PPP2R2C: variants seen among roughly 807,000 people sequenced by gnomAD.
PPP2R2C encodes the protein protein phosphatase 2, regulatory subunit B, gamma.
A neutral mutation model predicts 45.3 loss-of-function variants in PPP2R2C; 10 were observed. That is an observed-to-expected ratio of 0.22 (90% CI 0.14 to 0.37). PPP2R2C has a LOEUF of 0.37. PPP2R2C is among the 10% of genes least tolerant of loss of function. The pLI is 1.00. For missense variants in PPP2R2C, 308 were observed against 619.7 expected, an observed-to-expected ratio of 0.50 and a Z score of 5.34; for synonymous variants, 257 against 245.4, an observed-to-expected ratio of 1.05 and a Z score of -0.44.
intron 2 of PPP2R2C, among the ~76,000 whole-genome samples, chr4:6,477,730 C>CAAAAAAAAA (rs5855918): frequency 1.3e-5 from 1 of 77,086 alleles, no homozygotes; most frequent in African/African-American, 6.0e-5. Context: ...GACTCCGTCT[C>CAAAAAAAAA]AAAAAAAAAA....
intron 5 of PPP2R2C, among the ~76,000 whole-genome samples, chr4:6,366,495 T>A (rs1234393626): frequency 1.3e-5 from 2 of 152,212 alleles, no homozygotes; most frequent in African/African-American, 4.8e-5. Context: ...GGCCTCACCC[T>A]GGGTTCCTAA....
chr4:6,343,567 A>C (rs1236064119), intron 6 of PPP2R2C, among the ~76,000 whole-genome samples: 2 of 152,132 alleles, frequency 1.3e-5, no homozygotes, highest in Non-Finnish European at 2.9e-5. Flanking sequence ...AAATACAAAA[A>C]AAATTAGCCA....
intron 1 of PPP2R2C, among the ~76,000 whole-genome samples, chr4:6,405,773 A>G (rs1232345401): frequency 6.6e-6 from 1 of 152,176 alleles, no homozygotes; most frequent in Non-Finnish European, 1.5e-5. Flanking sequence ...CTTGATGATC[A>G]TATAAAAGAA....
chr4:6,435,070 AT>A lies in PPP2R2C; in HGVS notation c.70+37089del, dbSNP rs371093242. ...AATCTTATTTTTAGAAAGTTCTGGAATTGTGCCTTAAATTTTTTTTATTTAA... is the reference window on the plus strand; with the variant it reads ...AATCTTATTTTTAGAAAGTTCTGGAATGTGCCTTAAATTTTTTTTATTTAA... On this transcript the variant is annotated intron_variant, in intron 1 of 8. Transcript: ENST00000382599. 2.0e-4 allele frequency among the ~76,000 whole-genome samples: 30 copies of A among 152,286 alleles called. No homozygotes were observed. The East Asian group carries it at 5.8e-3, about 29-fold the overall frequency.
At chr4:6,540,983 C>G (rs1435109235) in intron 1 of PPP2R2C, among the ~76,000 whole-genome samples, 1 of 152,226 alleles carries the variant, frequency 6.6e-6, no homozygotes, top group Admixed American at 6.5e-5. Context: ...CTTCTCCATC[C>G]ATAGCATATG....
chr4:6,491,170 G>A (rs1006353582), intron 2 of PPP2R2C, among the ~76,000 whole-genome samples: 4 of 152,348 alleles, frequency 2.6e-5, no homozygotes, highest in Admixed American at 6.5e-5. Context: ...GTGTACCCTA[G>A]TGCCTGGTGT....
intron 1 of PPP2R2C, among the ~76,000 whole-genome samples, chr4:6,444,620 C>T (rs1308293668): frequency 1.3e-5 from 2 of 152,224 alleles, no homozygotes; most frequent in Non-Finnish European, 2.9e-5. Flanking sequence ...AGTAACTCTG[C>T]ACTTCAGCAG....
Position 6,472,393 on chromosome 4 carries a change from G to C in PPP2R2C, c.-164C>G. On this transcript the variant is annotated 5_prime_UTR_variant, in exon 1 of 9. Transcript: ENST00000382599. ...CGCGGCAGGGGGACGGGCGGGGGCG[G>C]CCGGGGGCGGGCGCCGCGGTCAAGC... is the stretch of plus-strand genomic sequence containing the variant. 3.4e-6 allele frequency: 3 copies of C among 887,414 alleles called. No individual in the cohort carries two copies. The highest frequency in any genetic ancestry group is 2.7e-6 in the Non-Finnish European group (2 of 739,858). The allele number at this position is 887,414 out of a possible 1,614,324, so 55.0% of individuals were successfully genotyped here.
intron 1 of PPP2R2C, among the ~76,000 whole-genome samples, chr4:6,538,416 C>T (rs532805290): frequency 6.6e-6 from 1 of 152,176 alleles, no homozygotes; most frequent in Admixed American, 6.5e-5. Flanking sequence ...TCGTCCCCAG[C>T]GACGCAAGCG....
chr4:6,443,631 G>T (rs1259270839), intron 1 of PPP2R2C, among the ~76,000 whole-genome samples: 3 of 152,206 alleles, frequency 2.0e-5, no homozygotes, highest in Non-Finnish European at 2.9e-5. Context: ...CTTCCTGGCT[G>T]GGTGACTGTC....
intron 1 of PPP2R2C, chr4:6,414,122 G>A (rs1002098907): frequency 2.9e-6 from 3 of 1,048,654 alleles, no homozygotes; most frequent in South Asian, 2.4e-5. Context: ...GTGTGTGTGT[G>A]TACAGGTAAA....
At chr4:6,383,200 C>T in intron 1 of PPP2R2C, 1 of 1,190,038 alleles carries the variant, frequency 8.4e-7, no homozygotes, top group Non-Finnish European at 1.1e-6. Context: ...GCCCACTGGC[C>T]CCTGAGGGGG....
chr4:6,541,073 G>C (rs530615742), intron 1 of PPP2R2C, among the ~76,000 whole-genome samples: 59 of 152,282 alleles, frequency 3.9e-4, no homozygotes, highest in African/African-American at 1.3e-3. Context: ...GAAAACAAGG[G>C]AAAGGGCAGG....
chr4:6,460,640 A>G (rs961798254), intron 1 of PPP2R2C, among the ~76,000 whole-genome samples: 5 of 152,122 alleles, frequency 3.3e-5, no homozygotes, highest in African/African-American at 1.2e-4. Flanking sequence ...AAATGTAGGA[A>G]TATATATATA....
intron 6 of PPP2R2C, among the ~76,000 whole-genome samples, chr4:6,339,032 A>C (rs1343250568): frequency 6.6e-6 from 1 of 151,760 alleles, no homozygotes; most frequent in Non-Finnish European, 1.5e-5. Context: ...TTTTCACATC[A>C]TTTTCTCTCC....
At chr4:6,352,642 G>C (rs1216539847) in intron 5 of PPP2R2C, among the ~76,000 whole-genome samples, 29 of 152,212 alleles carry the variant, frequency 1.9e-4, no homozygotes, top group Admixed American at 1.9e-3. Context: ...ATTCCAGAGA[G>C]AGGAGCAAGT....
chr4:6,349,212 A>G, intron 5 of PPP2R2C: 1 of 985,356 alleles, frequency 1.0e-6, no homozygotes, highest in Non-Finnish European at 1.2e-6. Context: ...CCGGCCCTGC[A>G]TGGGGCTTTG....
intron 1 of PPP2R2C, among the ~76,000 whole-genome samples, chr4:6,440,448 T>C (rs114401889): frequency 6.6e-6 from 1 of 152,046 alleles, no homozygotes; most frequent in Non-Finnish European, 1.5e-5. Flanking sequence ...AGGGCAGGTG[T>C]TGGGGGCTCT....
chr4:6,381,242 G>A (rs1560499889), intron 1 of PPP2R2C, 148 bp from the exon 2 acceptor site: 9 of 1,535,756 alleles, frequency 5.9e-6, no homozygotes, highest in South Asian at 2.4e-5. Context: ...GAGGGGTCAG[G>A]AGCATCGGCG....
Sources: allele counts gnomAD v4.1 joint callset (sites outside exome capture counted in the v4.1 genomes callset), GRCh38; gene constraint gnomAD v4.1.1; transcripts MANE v1.5; gene names NCBI Gene and HGNC (gene_info 2026-07-23, HGNC 2026-07-21).